The following SHB variants were observed in gnomAD, a reference collection of about 807,000 sequenced individuals.
SHB encodes SH2 domain containing adaptor protein B.
In SHB, 20 loss-of-function variants were observed where a neutral mutation model predicts 52.3. The observed-to-expected ratio is 0.38, with a 90% CI of 0.27 to 0.56. The LOEUF (loss-of-function observed/expected upper bound fraction) is 0.56. Among genes scored for constraint, SHB ranks in the 20% least tolerant of loss-of-function variants. SHB has a pLI of 0.71. For missense variants in SHB, 825 were observed against 723.3 expected, an observed-to-expected ratio of 1.14 and a Z score of -1.61; for synonymous variants, 397 against 316.5, an observed-to-expected ratio of 1.25 and a Z score of -2.70.
chr9:37,973,734 G>T (rs1205442388), intron 3 of SHB, among the ~76,000 whole-genome samples: 1 of 152,172 alleles, frequency 6.6e-6, no homozygotes, highest in African/African-American at 2.4e-5. Context: ...CACTCAAGGG[G>T]CTCTTGGCCA....
rs1180346812 is a variant in SHB, at chr9:38,061,747, A to C, written c.717+6182T>G. Reference sequence around the variant, plus strand: ...ACAGTCACCTGATCTCCTTCAAGGAAACTTAAGTTCCTTGTTGATCAGGGC... The same window carrying C: ...ACAGTCACCTGATCTCCTTCAAGGACACTTAAGTTCCTTGTTGATCAGGGC... On this transcript the variant is annotated intron_variant, in intron 1 of 5. Coordinates refer to ENST00000377707, the MANE Select transcript of SHB (RefSeq NM_003028.3). Among the ~76,000 whole-genome samples, 3 of 152,204 alleles carry C rather than the reference A, an allele frequency of 2.0e-5. No individual in the cohort carries two copies. In the East Asian group the frequency reaches 5.8e-4, roughly 29 times the overall value.
intron 1 of SHB, among the ~76,000 whole-genome samples, chr9:38,064,078 C>T (rs1255274237): frequency 2.0e-5 from 3 of 151,920 alleles, no homozygotes; most frequent in East Asian, 3.9e-4. Flanking sequence ...AAGTAACTGG[C>T]CTCTTTTGTC....
intron 3 of SHB, among the ~76,000 whole-genome samples, chr9:37,964,491 C>A (rs1832727398): frequency 6.6e-6 from 1 of 152,140 alleles, no homozygotes. Flanking sequence ...AAAGATAAAG[C>A]CCGATGAAGA....
intron 3 of SHB, among the ~76,000 whole-genome samples, chr9:37,962,549 C>A (rs1178856245): frequency 6.6e-6 from 1 of 151,146 alleles, no homozygotes; most frequent in East Asian, 1.9e-4. Flanking sequence ...TTCTGTCGCT[C>A]AGGCTGGAGT....
intron 1 of SHB, among the ~76,000 whole-genome samples, chr9:38,064,704 C>T (rs938112677): frequency 1.3e-5 from 2 of 152,238 alleles, no homozygotes; most frequent in African/African-American, 4.8e-5. Flanking sequence ...AAGTCTCCTG[C>T]ATCCTTCACT....
chr9:38,026,384 C>T (rs551695387), intron 1 of SHB, among the ~76,000 whole-genome samples: 2 of 152,374 alleles, frequency 1.3e-5, no homozygotes, highest in South Asian at 2.1e-4. Flanking sequence ...GCTGCAGAGG[C>T]GCGGGAACCC....
At chr9:37,935,065 A>T (rs918901684) in intron 5 of SHB, among the ~76,000 whole-genome samples, 13 of 152,226 alleles carry the variant, frequency 8.5e-5, no homozygotes, top group African/African-American at 3.1e-4. Context: ...TCAGAACAGG[A>T]AAATGTATTT....
chr9:37,966,430 C>T (rs1010065901), intron 3 of SHB, among the ~76,000 whole-genome samples: 1 of 151,936 alleles, frequency 6.6e-6, no homozygotes, highest in Non-Finnish European at 1.5e-5. Flanking sequence ...TGAATTTATT[C>T]ATACGTCAAA....
At chr9:38,015,483 G>T (rs1162130948) in intron 2 of SHB, 1 of 702,924 alleles carries the variant, frequency 1.4e-6, no homozygotes, top group Admixed American at 2.0e-5. Flanking sequence ...CTGTAAACCT[G>T]TCATGTAGAC....
At chr9:37,923,586 T>C (rs1832209417) in intron 5 of SHB, among the ~76,000 whole-genome samples, 2 of 152,206 alleles carry the variant, frequency 1.3e-5, no homozygotes, top group African/African-American at 4.8e-5. Context: ...ATGAGGGAGA[T>C]GCCATCTAAC....
chr9:37,954,706 A>C (rs1832607753), intron 4 of SHB, among the ~76,000 whole-genome samples: 1 of 152,226 alleles, frequency 6.6e-6, no homozygotes, highest in South Asian at 2.1e-4. Context: ...AGCTCATTCT[A>C]GTCCAGTTAT....
At chr9:38,022,146 C>T (rs1017267628) in intron 1 of SHB, among the ~76,000 whole-genome samples, 4 of 152,214 alleles carry the variant, frequency 2.6e-5, no homozygotes, top group Non-Finnish European at 5.9e-5. Flanking sequence ...GGCCACTAAT[C>T]TCTTAGAGAA....
At position 38,002,866 on chromosome 9, in the gene SHB, C is replaced by T. The variant is rs115324223; in HGVS notation, c.838+13145G>A. Among the ~76,000 whole-genome samples, 923 of 152,278 alleles carry T rather than the reference C, an allele frequency of 6.1e-3. 12 individuals carry two copies. Among genetic ancestry groups the T allele is most frequent in the African/African-American group, 0.021 (885 of 41,554 alleles). ...TGGAGACCGTGAGTTTTAAGATCCA[C>T]CCTGTCTCACCCCAAGAAATCACAC... On this transcript the variant is annotated intron_variant, in intron 2 of 5. Coordinates refer to ENST00000377707, the MANE Select transcript of SHB (RefSeq NM_003028.3).
chr9:37,948,942 C>A (rs1023221330), intron 4 of SHB, among the ~76,000 whole-genome samples, 188 bp from the exon 5 acceptor site: 4 of 152,202 alleles, frequency 2.6e-5, no homozygotes, highest in African/African-American at 7.2e-5. Context: ...GAACAAAACC[C>A]AGTCTCTTTT....
chr9:38,029,565 C>T (rs538572757), intron 1 of SHB, among the ~76,000 whole-genome samples: 2 of 150,622 alleles, frequency 1.3e-5, no homozygotes, highest in Non-Finnish European at 2.9e-5. Flanking sequence ...GATCTAGGCT[C>T]ACTGCAACCT....
At chr9:37,967,190 T>G (rs1195189021) in intron 3 of SHB, among the ~76,000 whole-genome samples, 1 of 152,154 alleles carries the variant, frequency 6.6e-6, no homozygotes, top group African/African-American at 2.4e-5. Flanking sequence ...CTATGCCAGG[T>G]TTATAATTAT....
chr9:37,927,087 A>T (rs966322734), intron 5 of SHB, among the ~76,000 whole-genome samples: 1 of 152,254 alleles, frequency 6.6e-6, no homozygotes, highest in African/African-American at 2.4e-5. Flanking sequence ...CAACTTGCCC[A>T]GTCACGATGC....
chr9:38,067,340 G>A (rs1209066551), intron 1 of SHB, among the ~76,000 whole-genome samples: 1 of 152,174 alleles, frequency 6.6e-6, no homozygotes, highest in Non-Finnish European at 1.5e-5. Flanking sequence ...AAAAGCACGC[G>A]TGGAGGTTCC....
At chr9:37,965,576 C>CTTT (rs71990074) in intron 3 of SHB, among the ~76,000 whole-genome samples, 104 of 141,432 alleles carry the variant, frequency 7.4e-4, no homozygotes, top group South Asian at 3.4e-3. Flanking sequence ...ACTCAAATAT[C>CTTT]TTTTTTTTTT....
Sources: gnomAD v4.1 joint callset for allele counts (sites outside exome capture counted in the v4.1 genomes callset) on GRCh38, gnomAD v4.1.1 for gene constraint, MANE v1.5 for transcripts, NCBI Gene and HGNC (gene_info 2026-07-23, HGNC 2026-07-21) for gene names.